UNC5D: variants seen among roughly 807,000 people sequenced by gnomAD.
UNC5D encodes netrin receptor UNC5D.
Under a neutral mutation model 105.4 loss-of-function variants are expected in UNC5D, and 39 were observed. The observed-to-expected ratio is 0.37, with a 90% CI of 0.29 to 0.48. UNC5D has a LOEUF of 0.48. UNC5D is among the 20% of genes least tolerant of loss of function. UNC5D has a pLI of 0.98. For synonymous variants in UNC5D, 452 were observed against 450.4 expected (o/e 1.00, Z -0.04); for missense variants, 991 against 1,202.4 (o/e 0.82, Z 2.60).
At chr8:35,714,556 G>C (rs897320642) in intron 8 of UNC5D, among the ~76,000 whole-genome samples, 1 of 152,192 alleles carries the variant, frequency 6.6e-6, no homozygotes. Context: ...TTTAGAACTA[G>C]GAGAATGAAG....
At position 35,774,306 on chromosome 8, in the gene UNC5D, G is replaced by A. The variant is rs530508170; in HGVS notation, c.2486G>A (p.Arg829Gln). ...TCCTTATTTTGTTTATAGAGTGAAC[G>A]AGAAACCATCACTTTCTTCGCACAA... is the stretch of plus-strand genomic sequence containing the variant. ...QVQTSILESERETITFFAQED... is the reference protein window; with the variant it reads ...QVQTSILESEQETITFFAQED... Residue 829 changes from arginine (R) to glutamine (Q), a missense_variant, in exon 16 of 17, where the codon CGA (arginine) becomes CAA (glutamine). Around this residue, in one of 3 missense-constraint regions of UNC5D, gnomAD observed 944 missense variants for 1,131.6 expected, o/e 0.83. Coordinates refer to ENST00000404895, the MANE Select transcript of UNC5D (RefSeq NM_080872.4). The A allele has an allele frequency of 5.4e-5, 87 of 1,614,012 alleles. No individual in the cohort carries two copies. Among genetic ancestry groups the A allele is most frequent in the East Asian group, 4.5e-4 (20 of 44,856 alleles).
intron 1 of UNC5D, among the ~76,000 whole-genome samples, chr8:35,444,123 C>G (rs1240357360): frequency 6.6e-6 from 1 of 151,872 alleles, no homozygotes; most frequent in Non-Finnish European, 1.5e-5. Flanking sequence ...TCTGAATGTT[C>G]GTCCTCCATA....
At chr8:35,595,532 C>CA in intron 3 of UNC5D, 22 bp from the exon 4 acceptor site, 2 of 1,609,932 alleles carry the variant, frequency 1.2e-6, no homozygotes, top group African/African-American at 1.3e-5. Context: ...CAAAGTGTCA[C>CA]CTATCTCATG....
At chr8:35,549,631 A>G (rs1815957482) in intron 2 of UNC5D, 121 bp downstream of exon 2, 3 of 892,114 alleles carry the variant, frequency 3.4e-6, no homozygotes, top group Non-Finnish European at 5.1e-6. Context: ...TCATAGTTAC[A>G]TCACTCCCAG....
chr8:35,522,732 A>G (rs145449698), intron 1 of UNC5D, among the ~76,000 whole-genome samples: 1 of 152,220 alleles, frequency 6.6e-6, no homozygotes, highest in African/African-American at 2.4e-5. Flanking sequence ...ATAAAATGTG[A>G]AACTGGATGA....
chr8:35,745,784 A>G (rs1034144104), intron 11 of UNC5D, among the ~76,000 whole-genome samples: 3 of 152,230 alleles, frequency 2.0e-5, no homozygotes, highest in Middle Eastern at 3.2e-3. Context: ...ACTAGGGTGT[A>G]TGATACATCG....
At chr8:35,725,369 G>A (rs1396775705) in intron 9 of UNC5D, among the ~76,000 whole-genome samples, 3 of 151,978 alleles carry the variant, frequency 2.0e-5, no homozygotes, top group Admixed American at 6.6e-5. Flanking sequence ...AAAAAATGGC[G>A]AGCCCCAGCA....
intron 7 of UNC5D, among the ~76,000 whole-genome samples, chr8:35,702,418 C>A (rs115116506): frequency 2.0e-5 from 3 of 151,948 alleles, no homozygotes; most frequent in African/African-American, 7.3e-5. Flanking sequence ...GTTTGAAAAG[C>A]TCCCCAGGTG....
intron 1 of UNC5D, among the ~76,000 whole-genome samples, chr8:35,491,643 C>T (rs545152350): frequency 2.6e-5 from 4 of 152,028 alleles, no homozygotes; most frequent in East Asian, 3.9e-4. Flanking sequence ...TAGGGATCCA[C>T]GACTGGAAAT....
intron 1 of UNC5D, among the ~76,000 whole-genome samples, chr8:35,387,418 T>C (rs6995609): frequency 0.018 from 2,780 of 150,934 alleles, 103 homozygotes; most frequent in African/African-American, 0.065. Context: ...ATCTGATGCA[T>C]TCCCAAGTAT....
At chr8:35,767,182 C>T in intron 15 of UNC5D, 116 bp downstream of exon 15, 1 of 1,230,298 alleles carries the variant, frequency 8.1e-7, no homozygotes, top group Non-Finnish European at 1.1e-6. Context: ...AATGCACAAA[C>T]TCTTCATCTT....
At chr8:35,371,560 AG>A (rs1424198786) in intron 1 of UNC5D, among the ~76,000 whole-genome samples, 2 of 152,180 alleles carry the variant, frequency 1.3e-5, no homozygotes, top group African/African-American at 4.8e-5. Context: ...AGAGAAGGGA[AG>A]GACTTGGCTG....
chr8:35,432,121 T>A (rs902999333), intron 1 of UNC5D, among the ~76,000 whole-genome samples: 1 of 152,162 alleles, frequency 6.6e-6, no homozygotes, highest in Admixed American at 6.6e-5. Context: ...ACTAGCTGTG[T>A]GACCTTAGGT....
chr8:35,705,725 A>G (rs1035421750), intron 7 of UNC5D, among the ~76,000 whole-genome samples: 2 of 152,200 alleles, frequency 1.3e-5, no homozygotes, highest in Non-Finnish European at 2.9e-5. Context: ...TGAAGTAATC[A>G]TCTTACAATT....
chr8:35,610,919 A>G (rs1224234070), intron 4 of UNC5D, among the ~76,000 whole-genome samples: 1 of 151,256 alleles, frequency 6.6e-6, no homozygotes, highest in African/African-American at 2.4e-5. Flanking sequence ...TAACTTTGTA[A>G]TGCAATTAAT....
At chr8:35,713,490 A>G (rs1316050814) in intron 8 of UNC5D, among the ~76,000 whole-genome samples, 2 of 152,202 alleles carry the variant, frequency 1.3e-5, no homozygotes, top group African/African-American at 4.8e-5. Flanking sequence ...CTCCAATTAC[A>G]TTCAATTTTC....
Position 35,576,681 on chromosome 8 carries a change from C to T in UNC5D, c.466+8440C>T, listed in dbSNP as rs140657377. On this transcript the variant is annotated intron_variant, in intron 3 of 16. Coordinates refer to ENST00000404895, the MANE Select transcript of UNC5D (RefSeq NM_080872.4). ...AGGCTGGAGTGCAGTGGCACAATCA[C>T]GGCTCACTGCAAGCTCTACCTCCTG... 4.2e-3 allele frequency among the ~76,000 whole-genome samples: 636 copies of T among 152,234 alleles called. 2 individuals carry two copies. Among genetic ancestry groups the T allele is most frequent in the Non-Finnish European group, 5.7e-3 (388 of 68,022 alleles).
intron 1 of UNC5D, among the ~76,000 whole-genome samples, chr8:35,497,639 A>G (rs2130192197): frequency 6.7e-6 from 1 of 149,622 alleles, no homozygotes; most frequent in East Asian, 2.0e-4. Flanking sequence ...TAATGGAAGC[A>G]TGGAGCATGG....
intron 1 of UNC5D, among the ~76,000 whole-genome samples, chr8:35,264,635 C>A (rs557984234): frequency 5.2e-4 from 79 of 150,678 alleles, no homozygotes; most frequent in Middle Eastern, 3.4e-3. Context: ...GAGACTGAGA[C>A]AGGAGAATTG....
Sources: allele counts gnomAD v4.1 joint callset (sites outside exome capture counted in the v4.1 genomes callset), GRCh38; gene constraint gnomAD v4.1.1; regional missense constraint gnomAD v4.1.1; transcripts MANE v1.5; gene names NCBI Gene and HGNC (gene_info 2026-07-23, HGNC 2026-07-21).